ASTN1: variants seen among roughly 807,000 people sequenced by gnomAD.
ASTN1 encodes the protein astrotactin 1, also known as astrotactin-1.
Under a neutral mutation model 140.7 loss-of-function variants are expected in ASTN1, and 41 were observed. The ratio of observed to expected loss-of-function variants is 0.29; its 90% CI spans 0.23 to 0.38. ASTN1 has a LOEUF of 0.38. Ranked by LOEUF, ASTN1 falls within the 10% of genes least tolerant of loss-of-function variation. The probability of loss-of-function intolerance (pLI) is 1.00; values close to 1 mark genes in which losing one functional copy is unlikely to be tolerated. For missense variants in ASTN1, 1,479 were observed against 1,678.8 expected, an observed-to-expected ratio of 0.88 and a Z score of 2.08; for synonymous variants, 640 against 652.2, an observed-to-expected ratio of 0.98 and a Z score of 0.29.
rs149339146 is a variant in ASTN1, at chr1:176,863,490, G to A, written c.*794C>T. ...AACTCCAAGTCTCCTCTTGAATGTG[G>A]ACTGCTAACTAGTCTCCCAGGTAGA... On this transcript the variant is annotated 3_prime_UTR_variant, in exon 23 of 23. Transcript: ENST00000361833. The A allele has an allele frequency of 3.0e-5, 30 of 985,594 alleles. No individual in the cohort carries two copies. The East Asian group carries it at 8.0e-4, about 26-fold the overall frequency. The allele number at this position is 985,594 out of a possible 1,614,324, so 61.1% of individuals were successfully genotyped here.
rs1571445251 is a variant in ASTN1, at chr1:176,877,966, G to A, written c.3363-1329C>T. On this transcript the variant is annotated intron_variant, in intron 20 of 22. Coordinates refer to ENST00000361833, the MANE Select transcript of ASTN1 (RefSeq NM_004319.3). ...AGAAATATGCATTTCTCTCAACAGA[G>A]AAAAGACAACCATGGCCCACCACTC... Among the ~76,000 whole-genome samples the A allele has an allele frequency of 2.0e-5, 3 of 152,260 alleles. No individual in the cohort carries two copies. The East Asian group carries it at 5.8e-4, about 29-fold the overall frequency.
At position 177,144,673 on chromosome 1, in the gene ASTN1, G is replaced by T. The variant is rs905936810; in HGVS notation, c.283+19721C>A. On this transcript the variant is annotated intron_variant, in intron 1 of 22. Coordinates refer to ENST00000361833, the MANE Select transcript of ASTN1 (RefSeq NM_004319.3). Reference sequence around the variant, plus strand: ...CCACAGCTTTAAAATTTTGGAGAAGGTTATTAGTGATTTCTTACTACACAA... The same window carrying T: ...CCACAGCTTTAAAATTTTGGAGAAGTTTATTAGTGATTTCTTACTACACAA... Among the ~76,000 whole-genome samples the T allele has an allele frequency of 2.0e-5, 3 of 150,692 alleles. No homozygotes were observed. The Admixed American group carries it at 2.0e-4, about 10-fold the overall frequency.
chr1:177,097,721 A>G (rs1298212313), intron 1 of ASTN1, among the ~76,000 whole-genome samples: 2 of 152,124 alleles, frequency 1.3e-5, no homozygotes, highest in Non-Finnish European at 2.9e-5. Context: ...GAGTAACCAA[A>G]TTGGTGATTG....
intron 7 of ASTN1, among the ~76,000 whole-genome samples, chr1:177,016,910 G>A (rs1468426540): frequency 3.3e-5 from 5 of 152,164 alleles, no homozygotes; most frequent in African/African-American, 7.2e-5. Context: ...TTAGCCATGG[G>A]CATATTTAGA....
chr1:177,068,053 T>C (rs1571735266), intron 1 of ASTN1, among the ~76,000 whole-genome samples: 1 of 152,256 alleles, frequency 6.6e-6, no homozygotes, highest in Non-Finnish European at 1.5e-5. Flanking sequence ...GTCAGAAACA[T>C]TGATGGTTTG....
intron 5 of ASTN1, among the ~76,000 whole-genome samples, chr1:177,028,284 C>T (rs977711937): frequency 2.6e-5 from 4 of 152,154 alleles, no homozygotes; most frequent in Non-Finnish European, 5.9e-5. Flanking sequence ...TGGGTATCCA[C>T]TGTCTAAAAT....
chr1:176,890,471 G>C (rs558493706), intron 17 of ASTN1, among the ~76,000 whole-genome samples: 3 of 152,174 alleles, frequency 2.0e-5, no homozygotes, highest in Non-Finnish European at 4.4e-5. Context: ...GTCTGTAAAA[G>C]ACAGCCTGAG....
intron 8 of ASTN1, among the ~76,000 whole-genome samples, chr1:176,980,199 A>T (rs1673549630): frequency 6.6e-6 from 1 of 152,130 alleles, no homozygotes; most frequent in Non-Finnish European, 1.5e-5. Flanking sequence ...ACATGAGAAC[A>T]CATCCACTTC....
chr1:176,936,197 G>T, intron 15 of ASTN1, 69 bp downstream of exon 15: 1 of 1,396,342 alleles, frequency 7.2e-7, no homozygotes. Context: ...GGGACCAAAG[G>T]CTTCTCCCCT....
intron 8 of ASTN1, among the ~76,000 whole-genome samples, chr1:177,014,390 C>G (rs1438839280): frequency 6.6e-6 from 1 of 152,134 alleles, no homozygotes; most frequent in African/African-American, 2.4e-5. Context: ...AAACAAATTT[C>G]CACTCATGTC....
intron 1 of ASTN1, among the ~76,000 whole-genome samples, chr1:177,065,732 A>C (rs941186736): frequency 6.6e-6 from 1 of 152,212 alleles, no homozygotes; most frequent in Non-Finnish European, 1.5e-5. Flanking sequence ...GATTGGTGAC[A>C]ACTGTGAACG....
In ASTN1 at chr1:177,101,590, G is replaced by T. The variant is rs781589004; in HGVS notation, c.284-40325C>A. 6.0e-4 allele frequency among the ~76,000 whole-genome samples: 91 copies of T among 152,280 alleles called. 1 individual carries two copies. Among genetic ancestry groups the T allele is most frequent in the Non-Finnish European group, 1.2e-3 (79 of 68,026 alleles). ...GGCACAGGGAGGACAGGGGTGGCTG[G>T]TGCTGTTTTCTTTCTTGAAAAGGAT... On this transcript the variant is annotated intron_variant, in intron 1 of 22. Transcript: ENST00000361833.
intron 6 of ASTN1, 55 bp downstream of exon 6, chr1:177,024,528 C>T: frequency 1.9e-6 from 3 of 1,595,996 alleles, no homozygotes; most frequent in Non-Finnish European, 2.6e-6. Flanking sequence ...TTTGCCCAAC[C>T]AGAAAACTTT....
intron 1 of ASTN1, among the ~76,000 whole-genome samples, chr1:177,114,800 C>T (rs891021725): frequency 6.6e-6 from 1 of 152,116 alleles, no homozygotes; most frequent in Non-Finnish European, 1.5e-5. Flanking sequence ...TTTAAATGTC[C>T]TAATTTTGGT....
chr1:177,075,398 T>G (rs1452240334), intron 1 of ASTN1, among the ~76,000 whole-genome samples: 1 of 143,832 alleles, frequency 7.0e-6, no homozygotes, highest in South Asian at 2.3e-4. Flanking sequence ...AAAGAAAAAC[T>G]TGACTTTTAA....
At chr1:176,950,533 A>T (rs79607912) in intron 11 of ASTN1, among the ~76,000 whole-genome samples, 2,289 of 152,256 alleles carry the variant, frequency 0.015, 18 homozygotes, top group Middle Eastern at 0.051. Flanking sequence ...AGGTAAGGAC[A>T]CCATTAACAT....
rs78319839 is a variant in ASTN1, at chr1:176,889,539, T to C, written c.2941-1335A>G. Among the ~76,000 whole-genome samples, 15 of 152,314 alleles carry C rather than the reference T, an allele frequency of 9.8e-5. No homozygotes were observed. The East Asian group carries it at 2.7e-3, about 27-fold the overall frequency. ...GGAGATAACTCTCCAAAAATCAGAA[T>C]GTCTAAACCTAAAGCCAGCAGCCTA... On this transcript the variant is annotated intron_variant, in intron 17 of 22. Coordinates refer to ENST00000361833, the MANE Select transcript of ASTN1 (RefSeq NM_004319.3).
chr1:176,960,668 G>C (rs1375151075), intron 9 of ASTN1, among the ~76,000 whole-genome samples: 3 of 152,206 alleles, frequency 2.0e-5, no homozygotes, highest in African/African-American at 7.2e-5. Flanking sequence ...ATCCCTGATA[G>C]CTGATGGCTT....
At chr1:176,983,125 A>G (rs1208585868) in intron 8 of ASTN1, among the ~76,000 whole-genome samples, 1 of 152,126 alleles carries the variant, frequency 6.6e-6, no homozygotes, top group Non-Finnish European at 1.5e-5. Flanking sequence ...GGAAGGGGAG[A>G]GCTGAAGAAT....
Sources: gnomAD v4.1 joint callset for allele counts (sites outside exome capture counted in the v4.1 genomes callset) on GRCh38, gnomAD v4.1.1 for gene constraint, MANE v1.5 for transcripts, NCBI Gene and HGNC (gene_info 2026-07-23, HGNC 2026-07-21) for gene names.